The following PALM2AKAP2 variants were observed in gnomAD, a reference collection of about 807,000 sequenced individuals.
PALM2AKAP2 encodes the protein PALM2 and AKAP2 fusion, also known as PALM2-AKAP2 fusion protein.
PALM2AKAP2 carries 37 observed loss-of-function variants against 71.5 expected under a neutral mutation model. That is an observed-to-expected ratio of 0.52 (90% CI 0.40 to 0.68). PALM2AKAP2 has a LOEUF of 0.68. Ranked by LOEUF, PALM2AKAP2 falls within the 30% of genes least tolerant of loss-of-function variation. The pLI, the probability that PALM2AKAP2 is intolerant of heterozygous loss-of-function variation, is 0.00. For missense variants in PALM2AKAP2, 1,224 were observed against 1,191.8 expected (o/e 1.03, Z -0.40); for synonymous variants, 468 against 478.8 (o/e 0.98, Z 0.29).
chr9:110,039,163 C>G (rs1250098954), intron 7 of PALM2AKAP2, among the ~76,000 whole-genome samples: 1 of 151,918 alleles, frequency 6.6e-6, no homozygotes, highest in Admixed American at 6.6e-5. Context: ...GTGGGAGGAT[C>G]ACTCGAGCCC....
chr9:109,779,743 G>A (rs1488478634), upstream of PALM2AKAP2, among the ~76,000 whole-genome samples: 1 of 152,180 alleles, frequency 6.6e-6, no homozygotes, highest in Admixed American at 6.5e-5. Context: ...AAGCATGTGG[G>A]CCACTTGGGC....
At chr9:109,669,339 A>G (rs1198344049) in intron 1 of PALM2AKAP2, among the ~76,000 whole-genome samples, 2 of 151,870 alleles carry the variant, frequency 1.3e-5, no homozygotes, top group Non-Finnish European at 2.9e-5. Flanking sequence ...AATCACATGG[A>G]TTCCCTTTGC....
Position 109,894,806 on chromosome 9 carries a change from C to T in PALM2AKAP2, c.257+14125C>T, listed in dbSNP as rs903479634. 4.6e-5 allele frequency among the ~76,000 whole-genome samples: 7 copies of T among 152,034 alleles called. No homozygotes were observed. In the South Asian group the frequency reaches 1.0e-3, roughly 23 times the overall value. On this transcript the variant is annotated intron_variant, in intron 3 of 9. Coordinates refer to the PALM2AKAP2 transcript ENST00000302798. Reference sequence around the variant, plus strand: ...TCCTATAGTTTTTTTAAGAGAGACACGGCCTCGCTCTGTTGCCCAGGCTGG... The same window carrying T: ...TCCTATAGTTTTTTTAAGAGAGACATGGCCTCGCTCTGTTGCCCAGGCTGG...
rs532980082 is a variant in PALM2AKAP2, at chr9:109,929,737, G to A, written c.395-2190G>A. Among the ~76,000 whole-genome samples the A allele has an allele frequency of 5.0e-3, 764 of 151,730 alleles. 6 individuals are homozygous for A. The highest frequency in any genetic ancestry group is 9.1e-3 in the Non-Finnish European group (621 of 67,884). ...AAATTAGCCGGGTGTGGTGGTGGGCGCCTGTAGTCCCAGCTACTCGGGAGG... is the reference window on the plus strand; with the variant it reads ...AAATTAGCCGGGTGTGGTGGTGGGCACCTGTAGTCCCAGCTACTCGGGAGG... On this transcript the variant is annotated intron_variant, in intron 5 of 9. Coordinates refer to the PALM2AKAP2 transcript ENST00000302798.
At chr9:109,791,940 C>A (rs1827121132) in intron 1 of PALM2AKAP2, among the ~76,000 whole-genome samples, 1 of 152,140 alleles carries the variant, frequency 6.6e-6, no homozygotes, top group African/African-American at 2.4e-5. Context: ...TGGATTTGTT[C>A]CCTGTCTCAA....
chr9:109,830,155 A>T (rs1371613917), intron 1 of PALM2AKAP2, among the ~76,000 whole-genome samples: 1 of 152,238 alleles, frequency 6.6e-6, no homozygotes, highest in Non-Finnish European at 1.5e-5. Flanking sequence ...AGTAGGAGAA[A>T]AATGTGCCTG....
chr9:109,756,155 A>G (rs1327789), intron 1 of PALM2AKAP2, among the ~76,000 whole-genome samples: 62,460 of 152,076 alleles, frequency 0.41, 13,022 homozygotes, highest in South Asian at 0.52. Flanking sequence ...TTATATACAT[A>G]CAGATACCAA....
At chr9:109,697,168 G>A (rs1007342065) in intron 1 of PALM2AKAP2, among the ~76,000 whole-genome samples, 1 of 151,798 alleles carries the variant, frequency 6.6e-6, no homozygotes, top group Non-Finnish European at 1.5e-5. Context: ...CCATATAATG[G>A]AGTACCACCT....
intron 6 of PALM2AKAP2, among the ~76,000 whole-genome samples, chr9:109,940,012 T>C (rs538840710): frequency 6.6e-6 from 1 of 152,354 alleles, no homozygotes; most frequent in South Asian, 2.1e-4. Flanking sequence ...TCAAACAAGT[T>C]CAAACATTAA....
At chr9:109,967,964 G>T (rs1262678312) in intron 6 of PALM2AKAP2, among the ~76,000 whole-genome samples, 7 of 152,214 alleles carry the variant, frequency 4.6e-5, no homozygotes, top group African/African-American at 1.7e-4. Context: ...TAAGCTTCTT[G>T]AAAGCAAGGA....
intron 6 of PALM2AKAP2, among the ~76,000 whole-genome samples, chr9:109,959,951 G>T (rs982003577): frequency 1.3e-5 from 2 of 152,156 alleles, no homozygotes; most frequent in African/African-American, 2.4e-5. Flanking sequence ...TAAGAACAGA[G>T]AATCACTGCT....
intron 1 of PALM2AKAP2, among the ~76,000 whole-genome samples, chr9:109,738,299 G>A (rs1238757907): frequency 1.3e-5 from 2 of 152,148 alleles, no homozygotes; most frequent in African/African-American, 4.8e-5. Flanking sequence ...CTTACAATTT[G>A]GAGAAACGAC....
intron 3 of PALM2AKAP2, among the ~76,000 whole-genome samples, chr9:109,885,771 G>GAGC (rs936039109): frequency 9.9e-5 from 15 of 152,190 alleles, no homozygotes; most frequent in African/African-American, 3.6e-4. Context: ...CCCCACAGTA[G>GAGC]AGCTAAGCTT....
chr9:110,140,388 G>A (rs1469608187), intron 2 of PALM2AKAP2, among the ~76,000 whole-genome samples: 1 of 152,080 alleles, frequency 6.6e-6, no homozygotes, highest in Admixed American at 6.5e-5. Flanking sequence ...GAAATCGGTC[G>A]TCTCTCTGAA....
intron 6 of PALM2AKAP2, among the ~76,000 whole-genome samples, chr9:109,972,715 G>A (rs1832093221): frequency 6.6e-6 from 1 of 152,188 alleles, no homozygotes; most frequent in Non-Finnish European, 1.5e-5. Flanking sequence ...CCACAAAGAT[G>A]CTAGCCTTTG....
chr9:109,975,875 G>A (rs920087939), intron 6 of PALM2AKAP2, among the ~76,000 whole-genome samples: 2 of 152,222 alleles, frequency 1.3e-5, no homozygotes, highest in Admixed American at 6.5e-5. Flanking sequence ...GGGTCAGCCG[G>A]TGGGGAGGAG....
intron 1 of PALM2AKAP2, among the ~76,000 whole-genome samples, chr9:109,827,188 C>CA (rs1179078584): frequency 6.6e-6 from 1 of 151,772 alleles, no homozygotes; most frequent in African/African-American, 2.4e-5. Flanking sequence ...TTGTAGTTTC[C>CA]AAAAAAGAAA....
intron 1 of PALM2AKAP2, among the ~76,000 whole-genome samples, chr9:109,819,655 G>GA (rs1827940186): frequency 6.6e-6 from 1 of 151,934 alleles, no homozygotes; most frequent in Admixed American, 6.6e-5. Flanking sequence ...TCTGCCAAGG[G>GA]TTTGAACACA....
intron 1 of PALM2AKAP2, among the ~76,000 whole-genome samples, chr9:109,678,214 A>G (rs530391307): frequency 1.3e-5 from 2 of 152,308 alleles, no homozygotes; most frequent in South Asian, 4.1e-4. Flanking sequence ...TTTTCTTACA[A>G]TACCCCTCAC....
Sources: gnomAD v4.1 joint callset for allele counts (sites outside exome capture counted in the v4.1 genomes callset) on GRCh38, gnomAD v4.1.1 for gene constraint, MANE v1.5 for transcripts, NCBI Gene and HGNC (gene_info 2026-07-23, HGNC 2026-07-21) for gene names.